The following GPR89B variants were observed in gnomAD, a reference collection of about 807,000 sequenced individuals.
GPR89B encodes G protein-coupled receptor 89B.
A neutral mutation model predicts 52.4 loss-of-function variants in GPR89B; 25 were observed. The observed-to-expected ratio is 0.48, with a 90% CI of 0.35 to 0.67. GPR89B has a LOEUF of 0.67. Among genes scored for constraint, GPR89B ranks in the 30% least tolerant of loss-of-function variants. The pLI is 0.01. For synonymous variants in GPR89B, 52 were observed against 151.2 expected, an observed-to-expected ratio of 0.34 and a Z score of 4.81; for missense variants, 146 against 450.2, an observed-to-expected ratio of 0.32 and a Z score of 6.11.
chr1:147,993,669 G>A (rs1189471260), downstream of GPR89B: 3 of 152,568 alleles, frequency 2.0e-5, no homozygotes, highest in Admixed American at 1.3e-4. Flanking sequence ...GGGGGAATAA[G>A]TCACTTGTGA....
At chr1:148,015,991 G>A in the GPR89B span, among the ~76,000 whole-genome samples, 2 of 151,428 alleles carry the variant, frequency 1.3e-5, no homozygotes, top group Non-Finnish European at 2.9e-5. Context: ...CTCGCCTTCT[G>A]GCCTTGAAGT....
chr1:147,992,078 A>T (rs2149097910), intron 12 of GPR89B, among the ~76,000 whole-genome samples: 1 of 150,476 alleles, frequency 6.6e-6, no homozygotes, highest in Admixed American at 6.7e-5. Context: ...GGATTTAAAA[A>T]TCCAGGAGCT....
chr1:147,957,456 G>C (rs1487880854), intron 7 of GPR89B, among the ~76,000 whole-genome samples: 1 of 151,380 alleles, frequency 6.6e-6, no homozygotes, highest in Non-Finnish European at 1.5e-5. Context: ...AGTCTCTACA[G>C]TACAATCATT....
At chr1:148,021,737 T>C in the GPR89B span, 1 of 151,322 alleles carries the variant, frequency 6.6e-6, no homozygotes, top group East Asian at 1.9e-4. Flanking sequence ...CTGTTTGTTT[T>C]ACACTCCACC....
At chr1:147,995,410 A>G (rs1659291882), downstream of GPR89B, among the ~76,000 whole-genome samples, 1 of 151,744 alleles carries the variant, frequency 6.6e-6, no homozygotes, top group South Asian at 2.1e-4. Flanking sequence ...CTATGAAAGT[A>G]AGAAATTTGT....
intron 1 of GPR89B, among the ~76,000 whole-genome samples, chr1:147,931,624 T>C (rs1293987304): frequency 1.3e-5 from 2 of 151,898 alleles, no homozygotes; most frequent in African/African-American, 4.8e-5. Context: ...TTAGATTTGG[T>C]ACTTGTGCTG....
intron 1 of GPR89B, among the ~76,000 whole-genome samples, chr1:147,932,612 G>A (rs148622215): frequency 0.011 from 1,619 of 152,042 alleles, 24 homozygotes; most frequent in African/African-American, 0.037. Flanking sequence ...ACCATGCCTC[G>A]TACTTACTCA....
chr1:147,962,793 G>A (rs1346130196), intron 7 of GPR89B, among the ~76,000 whole-genome samples: 2 of 151,394 alleles, frequency 1.3e-5, no homozygotes, highest in Non-Finnish European at 2.9e-5. Context: ...AGCTACTGGG[G>A]AGGCTGAGGC....
intron 5 of GPR89B, among the ~76,000 whole-genome samples, chr1:147,946,294 C>G (rs587722026): frequency 6.6e-6 from 1 of 152,254 alleles, no homozygotes; most frequent in Non-Finnish European, 1.5e-5. Context: ...GTCTTTGTAT[C>G]CCTAGTGCCT....
At chr1:147,934,701 A>G (rs587636979) in intron 1 of GPR89B, among the ~76,000 whole-genome samples, 73 of 152,058 alleles carry the variant, frequency 4.8e-4, no homozygotes, top group Admixed American at 2.0e-3. Flanking sequence ...CCTCTTTCAT[A>G]TTGTTTTACA....
chr1:147,995,064 A>G (rs1490653880), downstream of GPR89B, among the ~76,000 whole-genome samples: 2 of 152,220 alleles, frequency 1.3e-5, no homozygotes, highest in Non-Finnish European at 2.9e-5. Context: ...CCTAGTAATA[A>G]AACTGGAATA....
chr1:147,971,438 A>G (rs1571294488), intron 10 of GPR89B, among the ~76,000 whole-genome samples: 1 of 146,936 alleles, frequency 6.8e-6, no homozygotes, highest in Non-Finnish European at 1.5e-5. Flanking sequence ...GGCGTGAGCC[A>G]TCACACCCGG....
chr1:147,983,929 A>G (rs1341027354), intron 10 of GPR89B, among the ~76,000 whole-genome samples: 3 of 152,044 alleles, frequency 2.0e-5, no homozygotes, highest in Non-Finnish European at 2.9e-5. Flanking sequence ...AACCAACCCA[A>G]ATGTCCAACA....
At chr1:148,013,601 G>C in the GPR89B span, among the ~76,000 whole-genome samples, 1 of 151,998 alleles carries the variant, frequency 6.6e-6, no homozygotes, top group Non-Finnish European at 1.5e-5. Flanking sequence ...CTGAGGAGCA[G>C]TGCGGGAGAT....
intron 10 of GPR89B, 83 bp downstream of exon 10, chr1:147,970,042 T>C (rs1326632636): frequency 2.6e-6 from 2 of 754,996 alleles, no homozygotes; most frequent in South Asian, 2.0e-5. Flanking sequence ...TTGACTGATA[T>C]ATTGAACTAA....
Position 147,936,642 on chromosome 1 carries a change from T to C in GPR89B, c.58T>C (p.Phe20Leu), listed in dbSNP as rs1260255598. 1 of 1,611,986 alleles carries C rather than the reference T, an allele frequency of 6.2e-7. No individual in the cohort carries two copies. Among genetic ancestry groups the C allele is most frequent in the Non-Finnish European group, 8.5e-7 (1 of 1,178,400 alleles). The stretch of plus-strand genomic sequence containing the variant: ...TCTCCTCCAGATACTATTTTTTGGA[T>C]TTGGGTGGCTTTTCTTCATGCGCCA... ...MITSQILFFG[F>L]GWLFFMRQLF... The change falls in exon 2 of 14, where the codon TTT becomes CTT. Residue 20 changes from phenylalanine to leucine, a missense_variant. Physicochemically the swap from Phe to Leu is conservative, Grantham distance 22 (BLOSUM62 0). Coordinates refer to ENST00000314163, the MANE Select transcript of GPR89B (RefSeq NM_016334.5).
At chr1:148,011,732 C>G in the GPR89B span, 1 of 152,244 alleles carries the variant, frequency 6.6e-6, no homozygotes, top group Non-Finnish European at 1.5e-5. Context: ...CCGCGGGGTC[C>G]GTGGGCCCAT....
intron 7 of GPR89B, among the ~76,000 whole-genome samples, 180 bp downstream of exon 7, chr1:147,954,582 C>G (rs1655971893): frequency 6.6e-6 from 1 of 150,950 alleles, no homozygotes; most frequent in African/African-American, 2.4e-5. Context: ...CTTTGGGAGG[C>G]CACGACGGGG....
intron 5 of GPR89B, among the ~76,000 whole-genome samples, chr1:147,952,059 T>C (rs1655754962): frequency 6.6e-6 from 1 of 152,056 alleles, no homozygotes; most frequent in African/African-American, 2.4e-5. Flanking sequence ...AGCTATGTCT[T>C]TTATAATAAG....
Sources: allele counts gnomAD v4.1 joint callset (sites outside exome capture counted in the v4.1 genomes callset), GRCh38; gene constraint gnomAD v4.1.1; transcripts MANE v1.5; gene names NCBI Gene and HGNC (gene_info 2026-07-23, HGNC 2026-07-21).